Variants in IL1RAPL2 observed in about 807,000 individuals in gnomAD.
IL1RAPL2 encodes interleukin 1 receptor accessory protein like 2, also known as X-linked interleukin-1 receptor accessory protein-like 2.
In IL1RAPL2, 3 loss-of-function variants were observed where a neutral mutation model predicts 44.1. That is an observed-to-expected ratio of 0.07 (90% confidence interval 0.03 to 0.18). The LOEUF (loss-of-function observed/expected upper bound fraction) is 0.18. Ranked by LOEUF, IL1RAPL2 falls within the 10% of genes least tolerant of loss-of-function variation. The pLI, the probability that IL1RAPL2 is intolerant of heterozygous loss-of-function variation, is 1.00. For synonymous variants in IL1RAPL2, 181 were observed against 178.8 expected (o/e 1.01, Z -0.10); for missense variants, 391 against 496.4 (o/e 0.79, Z 2.02).
At chrX:104,736,650 G>C (rs1160278602) in intron 2 of IL1RAPL2, among the ~76,000 whole-genome samples, 3 of 112,104 alleles carry the variant, frequency 2.7e-5, no homozygotes, top group Non-Finnish European at 3.8e-5. Flanking sequence ...ACTTCTTAAA[G>C]CAATTTTAAA....
intron 8 of IL1RAPL2, 148 bp downstream of exon 8, chrX:105,740,839 C>A (rs2038494000): frequency 4.3e-6 from 2 of 467,105 alleles, no homozygotes; most frequent in Non-Finnish European, 6.9e-6. Flanking sequence ...TCTTGCTCTG[C>A]ATATTAGCAT....
chrX:105,595,901 T>C (rs1486832273), intron 6 of IL1RAPL2, among the ~76,000 whole-genome samples: 1 of 111,638 alleles, frequency 9.0e-6, no homozygotes, highest in African/African-American at 3.3e-5. Context: ...GTAGGTTGTA[T>C]GTTTCTAGGA....
chrX:104,640,375 A>T (rs972464219), intron 1 of IL1RAPL2, among the ~76,000 whole-genome samples: 3 of 111,623 alleles, frequency 2.7e-5, no homozygotes, highest in Non-Finnish European at 5.6e-5. Flanking sequence ...TAAAGTTCTC[A>T]TTCATATCCT....
intron 5 of IL1RAPL2, chrX:105,407,036 G>C (rs1319101389): frequency 2.2e-6 from 2 of 898,132 alleles, no homozygotes; most frequent in African/African-American, 3.9e-5. Context: ...ATGTCACAAA[G>C]TGTCAGATGA....
chrX:104,861,324 C>T (rs1922487768), intron 2 of IL1RAPL2, among the ~76,000 whole-genome samples: 2 of 111,578 alleles, frequency 1.8e-5, no homozygotes, highest in African/African-American at 6.5e-5. Context: ...ACTATGTGGC[C>T]AGGCACATGC....
At chrX:105,652,504 T>TGTCATC (rs761768495) in intron 6 of IL1RAPL2, among the ~76,000 whole-genome samples, 3 of 111,828 alleles carry the variant, frequency 2.7e-5, no homozygotes, top group African/African-American at 9.7e-5. Context: ...TTATTATCAT[T>TGTCATC]GTCATCATAG....
At chrX:104,780,945 T>A (rs1932768059) in intron 2 of IL1RAPL2, among the ~76,000 whole-genome samples, 2 of 111,907 alleles carry the variant, frequency 1.8e-5, no homozygotes, top group South Asian at 7.5e-4. Context: ...CTATCAGAAT[T>A]CAAATTAACA....
At chrX:105,488,752 G>A (rs2036288505) in intron 6 of IL1RAPL2, among the ~76,000 whole-genome samples, 1 of 111,996 alleles carries the variant, frequency 8.9e-6, no homozygotes, top group East Asian at 2.8e-4. Flanking sequence ...AAGTGTTTAT[G>A]TGTTCATTTG....
At chrX:105,608,241 A>G (rs1000431047) in intron 6 of IL1RAPL2, among the ~76,000 whole-genome samples, 3 of 111,997 alleles carry the variant, frequency 2.7e-5, no homozygotes, top group Non-Finnish European at 5.7e-5. Context: ...CATGTAATTT[A>G]ATTCAAGCCA....
chrX:105,407,547 C>G (rs1418489096), intron 5 of IL1RAPL2, among the ~76,000 whole-genome samples: 2 of 111,707 alleles, frequency 1.8e-5, no homozygotes, highest in African/African-American at 6.5e-5. Flanking sequence ...AGTGACGCCT[C>G]CCCTCTTTAA....
chrX:104,585,313 ATATATAT>A (rs1260867437), intron 1 of IL1RAPL2, among the ~76,000 whole-genome samples: 4 of 18,582 alleles, frequency 2.2e-4, no homozygotes, highest in Non-Finnish European at 3.0e-4. Flanking sequence ...ATATTATATA[ATATATAT>A]TATATATAAT....
chrX:105,640,733 TATAGATATAG>T lies in IL1RAPL2; in HGVS notation c.773-76620_773-76611del, dbSNP rs1334098440. On this transcript the variant is annotated intron_variant, in intron 6 of 10. Transcript: ENST00000372582. ...ATATATACACACACATATCTATATATATAGATATAGATAGATATAGATATAGATATAGATA... is the reference window on the plus strand; with the variant it reads ...ATATATACACACACATATCTATATATATAGATATAGATATAGATATAGATA... Among the ~76,000 whole-genome samples, 19 of 82,091 alleles carry T rather than the reference TATAGATATAG, an allele frequency of 2.3e-4. 1 individual carries two copies. In the South Asian group the frequency reaches 0.01, roughly 45 times the overall value. The allele number at this position is 82,091 out of a possible 115,157, so 71.3% of individuals were successfully genotyped here.
At chrX:105,079,465 C>T (rs1306596873) in intron 2 of IL1RAPL2, among the ~76,000 whole-genome samples, 1 of 109,347 alleles carries the variant, frequency 9.1e-6, no homozygotes, top group African/African-American at 3.3e-5. Flanking sequence ...TTATCCAGTT[C>T]TTGTGATGGT....
intron 2 of IL1RAPL2, among the ~76,000 whole-genome samples, chrX:104,873,192 T>C (rs753067863): frequency 4.5e-5 from 5 of 111,286 alleles, no homozygotes; most frequent in Admixed American, 1.9e-4. Flanking sequence ...GGCTCTCTTC[T>C]GGGTTGCAGA....
At chrX:104,864,960 G>A (rs767875636) in intron 2 of IL1RAPL2, among the ~76,000 whole-genome samples, 5 of 111,197 alleles carry the variant, frequency 4.5e-5, no homozygotes, top group Non-Finnish European at 9.4e-5. Context: ...GCTCAGGTCC[G>A]ACTTACAGTG....
At chrX:105,170,728 GCCTTTTCT>G (rs1302827703) in intron 2 of IL1RAPL2, among the ~76,000 whole-genome samples, 1 of 112,205 alleles carries the variant, frequency 8.9e-6, no homozygotes, top group East Asian at 2.8e-4. Context: ...TTCTTTTCTA[GCCTTTTCT>G]AGTATCTCAC....
At chrX:105,380,886 G>A (rs35029764) in intron 5 of IL1RAPL2, among the ~76,000 whole-genome samples, 1 of 111,274 alleles carries the variant, frequency 9.0e-6, no homozygotes, top group Admixed American at 9.6e-5. Context: ...TCACTCTGCA[G>A]AATTGATACA....
chrX:105,417,818 C>G (rs1889666976), intron 5 of IL1RAPL2, among the ~76,000 whole-genome samples: 1 of 111,941 alleles, frequency 8.9e-6, no homozygotes, highest in Non-Finnish European at 1.9e-5. Flanking sequence ...TTTATAGACT[C>G]TTCTCTCCTC....
At chrX:105,754,453 C>A (rs1285364367) in intron 9 of IL1RAPL2, among the ~76,000 whole-genome samples, 1 of 112,366 alleles carries the variant, frequency 8.9e-6, no homozygotes, top group Admixed American at 9.5e-5. Context: ...GCACAGTTAA[C>A]TCCCTGACTA....
Sources: gnomAD v4.1 joint callset for allele counts (sites outside exome capture counted in the v4.1 genomes callset) on GRCh38, gnomAD v4.1.1 for gene constraint, MANE v1.5 for transcripts, NCBI Gene and HGNC (gene_info 2026-07-23, HGNC 2026-07-21) for gene names.